FEM1C: variants seen among roughly 807,000 people sequenced by gnomAD.
FEM1C encodes the protein fem-1 homolog C, also known as protein fem-1 homolog C.
A neutral mutation model predicts 37.6 loss-of-function variants in FEM1C; 15 were observed. That is an observed-to-expected ratio of 0.40 (90% confidence interval 0.27 to 0.61). The LOEUF (loss-of-function observed/expected upper bound fraction) is 0.61, where lower values mean the gene tolerates loss of function less well. Ranked by LOEUF, FEM1C falls within the 20% of genes least tolerant of loss-of-function variation. The pLI is 0.42. For missense variants in FEM1C, 532 were observed against 749.7 expected, an observed-to-expected ratio of 0.71 and a Z score of 3.39; for synonymous variants, 287 against 272.8, an observed-to-expected ratio of 1.05 and a Z score of -0.51.
In FEM1C at chr5:115,525,237, C is replaced by T. The variant is rs761732928; in HGVS notation, c.925G>A (p.Glu309Lys). The stretch of plus-strand genomic sequence containing the variant: ...TCATCAGGATCAGCAATAAGACCTT[C>T]TAGCTCTTCTGCACTGTTCACTTCC... ...AKEVNSAEEL[E>K]GLIADPDEMR... is the part of the protein sequence containing the mutation. Residue 309 changes from glutamate (E) to lysine (K), a missense_variant, in exon 3 of 3, where the codon GAA (glutamate) becomes AAA (lysine). Around this residue, in one of 3 missense-constraint regions of FEM1C, gnomAD observed 221 missense variants for 404.1 expected, o/e 0.55. Transcript: ENST00000274457. 8.7e-6 allele frequency: 14 copies of T among 1,613,426 alleles called. No homozygotes were observed. Among genetic ancestry groups the T allele is most frequent in the Non-Finnish European group, 1.2e-5 (14 of 1,179,782 alleles).
At chr5:115,533,076 AC>A (rs1754051246) in intron 2 of FEM1C, among the ~76,000 whole-genome samples, 2 of 152,058 alleles carry the variant, frequency 1.3e-5, no homozygotes, top group African/African-American at 4.8e-5. Flanking sequence ...ATTAACGCCT[AC>A]CTAAAATAGA....
intron 2 of FEM1C, among the ~76,000 whole-genome samples, chr5:115,537,841 G>C (rs1009506400): frequency 6.6e-6 from 1 of 152,012 alleles, no homozygotes. Context: ...TCAACACTCA[G>C]ATAGTACTAA....
chr5:115,525,518 A>T lies in FEM1C; in HGVS notation c.644T>A (p.Met215Lys). 6.2e-7 allele frequency: 1 copy of T among 1,613,712 alleles called. No homozygotes were observed. The highest frequency in any genetic ancestry group is 8.5e-7 in the Non-Finnish European group (1 of 1,179,778). Residue 215 changes from methionine (M) to lysine (K), a missense_variant, in exon 3 of 3, where the codon ATG (methionine) becomes AAG (lysine). Met to Lys is a moderately conservative substitution (Grantham distance 95, BLOSUM62 -1). This residue lies in a region of FEM1C where 221 missense variants were observed against 404.1 expected (regional missense o/e 0.55). Transcript: ENST00000274457. ...CAKMEKDGYG[M>K]TPLLSASVTG... ...CACACTTGCTGAGAGAAGGGGAGTC[A>T]TTCCATAACCATCCTTTTCCATCTT...
In FEM1C at chr5:115,523,416, A is replaced by T. The variant is rs1331356685; in HGVS notation, c.*892T>A. The T allele has an allele frequency of 3.3e-5, 5 of 152,554 alleles. No homozygotes were observed. The highest frequency in any genetic ancestry group is 9.7e-5 in the African/African-American group (4 of 41,448). 9.5% of individuals were successfully genotyped at this position (152,554 alleles called of 1,614,324 possible). A position where few individuals can be genotyped will look rare whatever the true frequency, so the allele number is the denominator to read the frequency against. On this transcript the variant is annotated 3_prime_UTR_variant, in exon 3 of 3. Coordinates refer to ENST00000274457, the MANE Select transcript of FEM1C (RefSeq NM_020177.3). The stretch of plus-strand genomic sequence containing the variant: ...AGCACAAGCAGGACAATGCTGGAGC[A>T]GCATGAAAGGTGGGTCACTTTAAAA...
intron 2 of FEM1C, among the ~76,000 whole-genome samples, chr5:115,539,881 A>C (rs555739129): frequency 6.6e-6 from 1 of 152,118 alleles, no homozygotes; most frequent in Admixed American, 6.6e-5. Context: ...TAGCCTGTTA[A>C]AAAGTAATGA....
chr5:115,543,992 C>T lies in FEM1C; in HGVS notation c.-190-309G>A, dbSNP rs559915158. The T allele has an allele frequency of 2.9e-5, 29 of 985,394 alleles. No individual in the cohort carries two copies. The East Asian group carries it at 3.0e-3, about 100-fold the overall frequency. The allele number at this position is 985,394 out of a possible 1,614,324, so 61.0% of individuals were successfully genotyped here. A position where few individuals can be genotyped will look rare whatever the true frequency, so the allele number is the denominator to read the frequency against. On this transcript the variant is annotated intron_variant, in intron 1 of 2. Coordinates refer to ENST00000274457, the MANE Select transcript of FEM1C (RefSeq NM_020177.3). ...TTGTTCTAGTTTTGCTTTGCACACG[C>T]CCAGGGAGAGTACAACCGAAAGAGG...
At chr5:115,537,666 T>G (rs1754156444) in intron 2 of FEM1C, among the ~76,000 whole-genome samples, 2 of 152,078 alleles carry the variant, frequency 1.3e-5, no homozygotes, top group African/African-American at 4.8e-5. Flanking sequence ...GTTAATGACT[T>G]CAACTAGTAA....
intron 2 of FEM1C, among the ~76,000 whole-genome samples, chr5:115,537,245 T>C (rs933457304): frequency 1.3e-5 from 2 of 152,084 alleles, no homozygotes; most frequent in Admixed American, 1.3e-4. Context: ...TCCTGAATTT[T>C]ATTTCAAACA....
At chr5:115,527,431 T>C (rs546675023) in intron 2 of FEM1C, among the ~76,000 whole-genome samples, 1 of 152,266 alleles carries the variant, frequency 6.6e-6, no homozygotes, top group East Asian at 1.9e-4. Flanking sequence ...TGGTCTACAA[T>C]GAAATAGTGT....
intron 2 of FEM1C, among the ~76,000 whole-genome samples, chr5:115,528,948 C>T (rs567649108): frequency 2.0e-5 from 3 of 152,010 alleles, no homozygotes; most frequent in South Asian, 2.1e-4. Context: ...GATTTACACA[C>T]AGCTGAATAG....
intron 2 of FEM1C, among the ~76,000 whole-genome samples, chr5:115,539,103 A>C (rs1754187933): frequency 6.6e-6 from 1 of 152,006 alleles, no homozygotes; most frequent in African/African-American, 2.4e-5. Flanking sequence ...GTGCATGTTA[A>C]TTACCTTATT....
At chr5:115,536,125 G>A (rs1221243547) in intron 2 of FEM1C, among the ~76,000 whole-genome samples, 1 of 151,878 alleles carries the variant, frequency 6.6e-6, no homozygotes, top group African/African-American at 2.4e-5. Flanking sequence ...TTTTCCGGGG[G>A]TGATGAAAAG....
At chr5:115,529,180 C>A (rs1187293578) in intron 2 of FEM1C, among the ~76,000 whole-genome samples, 3 of 152,000 alleles carry the variant, frequency 2.0e-5, no homozygotes, top group Non-Finnish European at 4.4e-5. Context: ...AAAGCTTAAA[C>A]TGCAAATGCA....
At chr5:115,541,814 G>A (rs1754247319) in intron 2 of FEM1C, among the ~76,000 whole-genome samples, 1 of 152,050 alleles carries the variant, frequency 6.6e-6, no homozygotes, top group Non-Finnish European at 1.5e-5. Context: ...ACCACTAGAC[G>A]GAGGGCTACA....
chr5:115,534,867 T>C (rs1754092249), intron 2 of FEM1C, among the ~76,000 whole-genome samples: 2 of 152,102 alleles, frequency 1.3e-5, no homozygotes, highest in African/African-American at 4.8e-5. Flanking sequence ...CTGCTGGTCC[T>C]TGAGTAGCAA....
intron 2 of FEM1C, among the ~76,000 whole-genome samples, chr5:115,539,741 A>G (rs1172879385): frequency 6.6e-6 from 1 of 152,104 alleles, no homozygotes; most frequent in African/African-American, 2.4e-5. Flanking sequence ...CAGGGAATCA[A>G]GGACTGGCTA....
At chr5:115,541,502 C>G (rs1477910409) in intron 2 of FEM1C, among the ~76,000 whole-genome samples, 2 of 152,140 alleles carry the variant, frequency 1.3e-5, no homozygotes, top group Non-Finnish European at 2.9e-5. Context: ...GACACTATCA[C>G]AACTGCAAAT....
intron 2 of FEM1C, among the ~76,000 whole-genome samples, chr5:115,535,065 C>T (rs907406640): frequency 3.3e-5 from 5 of 151,544 alleles, no homozygotes; most frequent in African/African-American, 1.2e-4. Context: ...AACCATATGC[C>T]AAAGCAGGAA....
intron 2 of FEM1C, among the ~76,000 whole-genome samples, chr5:115,532,107 A>T (rs958665520): frequency 1.3e-5 from 2 of 152,130 alleles, no homozygotes; most frequent in African/African-American, 2.4e-5. Context: ...TGGTTTTATC[A>T]TATCAATTTT....
Sources: allele counts gnomAD v4.1 joint callset (sites outside exome capture counted in the v4.1 genomes callset), GRCh38; gene constraint gnomAD v4.1.1; regional missense constraint gnomAD v4.1.1; transcripts MANE v1.5; gene names NCBI Gene and HGNC (gene_info 2026-07-23, HGNC 2026-07-21).